Variants in CPEB1 observed in about 807,000 individuals in gnomAD.
CPEB1 encodes the protein cytoplasmic polyadenylation element-binding protein 1.
A neutral mutation model predicts 65.8 loss-of-function variants in CPEB1; 7 were observed. The ratio of observed to expected loss-of-function variants is 0.11; its 90% CI spans 0.06 to 0.20. CPEB1 has a LOEUF of 0.20. Ranked by LOEUF, CPEB1 falls within the 10% of genes least tolerant of loss-of-function variation. The pLI, the probability that CPEB1 is intolerant of heterozygous loss-of-function variation, is 1.00. For missense variants in CPEB1, 551 were observed against 712.2 expected, an observed-to-expected ratio of 0.77 and a Z score of 2.58; for synonymous variants, 262 against 260.0, an observed-to-expected ratio of 1.01 and a Z score of -0.08.
intron 9 of CPEB1, among the ~76,000 whole-genome samples, chr15:82,552,201 A>G (rs994326440): frequency 6.6e-6 from 1 of 152,322 alleles, no homozygotes; most frequent in African/African-American, 2.4e-5. Flanking sequence ...GTTGGCTACA[A>G]GAAAGAAGAG....
intron 2 of CPEB1, 131 bp downstream of exon 2, chr15:82,628,233 T>C: frequency 4.3e-6 from 3 of 702,878 alleles, no homozygotes; most frequent in South Asian, 1.5e-5. Flanking sequence ...CCAGATGTTG[T>C]ACATGACTTC....
chr15:82,587,981 G>A (rs557630382), intron 3 of CPEB1, among the ~76,000 whole-genome samples: 3 of 152,102 alleles, frequency 2.0e-5, no homozygotes, highest in Non-Finnish European at 4.4e-5. Context: ...GAATGCAGTG[G>A]TGTGATCTCA....
chr15:82,641,739 A>C (rs1041832016), intron 1 of CPEB1: 1 of 150,822 alleles, frequency 6.6e-6, no homozygotes, highest in Non-Finnish European at 1.5e-5. Context: ...GGACTGTTCC[A>C]CCATTCAAGA....
intron 3 of CPEB1, among the ~76,000 whole-genome samples, chr15:82,605,360 T>C (rs1227818596): frequency 1.3e-5 from 2 of 152,272 alleles, no homozygotes; most frequent in South Asian, 2.1e-4. Context: ...GTCTTTTTTT[T>C]CTCCTATCAG....
intron 1 of CPEB1, chr15:82,629,448 CTA>C (rs71297508): frequency 3.9e-5 from 38 of 967,840 alleles, no homozygotes; most frequent in African/African-American, 7.1e-5. Flanking sequence ...AAAAGAACTC[CTA>C]TATATATATA....
intron 4 of CPEB1, 116 bp downstream of exon 4, chr15:82,571,228 T>C: frequency 7.6e-7 from 1 of 1,314,450 alleles, no homozygotes; most frequent in African/African-American, 1.5e-5. Context: ...CCATGTTGTA[T>C]GTGTGTATGG....
chr15:82,606,878 A>G (rs1290137818), intron 3 of CPEB1, among the ~76,000 whole-genome samples: 1 of 151,994 alleles, frequency 6.6e-6, no homozygotes, highest in East Asian at 1.9e-4. Flanking sequence ...CATGCCTGCA[A>G]TCCCAGCACT....
intron 3 of CPEB1, among the ~76,000 whole-genome samples, chr15:82,593,054 T>C (rs953761295): frequency 2.0e-5 from 3 of 152,134 alleles, no homozygotes; most frequent in Admixed American, 1.3e-4. Flanking sequence ...CATAATCTTA[T>C]TGCTGGTGGA....
intron 4 of CPEB1, among the ~76,000 whole-genome samples, chr15:82,561,199 A>G (rs1001911185): frequency 6.6e-6 from 1 of 152,210 alleles, no homozygotes; most frequent in African/African-American, 2.4e-5. Flanking sequence ...GAAGTCTGAA[A>G]TATTAGATAA....
intron 1 of CPEB1, among the ~76,000 whole-genome samples, chr15:82,640,477 T>A (rs1032514501): frequency 4.9e-4 from 74 of 152,284 alleles, no homozygotes; most frequent in South Asian, 2.1e-4. Context: ...CAGCCCTGTT[T>A]CATATCTCCT....
chr15:82,620,866 G>A (rs1177475017), intron 3 of CPEB1, among the ~76,000 whole-genome samples: 1 of 152,138 alleles, frequency 6.6e-6, no homozygotes, highest in African/African-American at 2.4e-5. Flanking sequence ...ACTGCAAGGG[G>A]AATTTTGGTG....
At chr15:82,616,472 T>A (rs1208114351) in intron 3 of CPEB1, among the ~76,000 whole-genome samples, 1 of 152,114 alleles carries the variant, frequency 6.6e-6, no homozygotes, top group Admixed American at 6.5e-5. Context: ...GAATCAAACA[T>A]ATCAAAATCT....
chr15:82,577,171 T>C (rs962926842), intron 3 of CPEB1, among the ~76,000 whole-genome samples: 5 of 152,002 alleles, frequency 3.3e-5, no homozygotes, highest in African/African-American at 1.2e-4. Flanking sequence ...TTGGCAAAGG[T>C]GTGTTTTGTT....
intron 3 of CPEB1, among the ~76,000 whole-genome samples, chr15:82,614,034 G>C (rs1407965754): frequency 1.3e-5 from 2 of 152,054 alleles, no homozygotes; most frequent in African/African-American, 2.4e-5. Flanking sequence ...CCGGGAGAGA[G>C]ACACACACCC....
chr15:82,621,527 A>G (rs1289535546), intron 3 of CPEB1, among the ~76,000 whole-genome samples: 1 of 152,026 alleles, frequency 6.6e-6, no homozygotes, highest in Non-Finnish European at 1.5e-5. Context: ...AGGCTGAGGC[A>G]GGAGACTCAC....
intron 3 of CPEB1, among the ~76,000 whole-genome samples, chr15:82,580,519 G>A (rs2151096896): frequency 6.6e-6 from 1 of 152,092 alleles, no homozygotes; most frequent in Non-Finnish European, 1.5e-5. Flanking sequence ...TTTTATTGTG[G>A]TAAAATATAC....
Position 82,571,392 on chromosome 15 carries a change from A to T in CPEB1, c.412T>A (p.Trp138Arg). The T allele has an allele frequency of 6.2e-7, 1 of 1,614,140 alleles. No individual in the cohort carries two copies. The stretch of plus-strand genomic sequence containing the variant: ...GAGGAATCTGAGTCCTGGGTGCTCC[A>T]GGGTCGGTCCCAGCCTGTCAGACTG... ...SLSLTGWDRPWSTQDSDSSAQ... is the reference protein window; with the variant it reads ...SLSLTGWDRPRSTQDSDSSAQ... Residue 138 changes from tryptophan to arginine, a missense_variant, in exon 4 of 13, where the codon TGG becomes AGG. Physicochemically the swap from Trp to Arg is moderately radical, Grantham distance 101. Transcript: ENST00000684509.
chr15:82,580,050 GGTGGCTCACACCT>G (rs1555456509), intron 3 of CPEB1, among the ~76,000 whole-genome samples: 43 of 150,168 alleles, frequency 2.9e-4, no homozygotes, highest in Non-Finnish European at 1.5e-5. Flanking sequence ...GGCCAGGCGC[GGTGGCTCACACCT>G]GTAATCCCAG....
chr15:82,594,534 C>T (rs184109318), intron 3 of CPEB1, among the ~76,000 whole-genome samples: 92 of 152,296 alleles, frequency 6.0e-4, no homozygotes, highest in African/African-American at 2.2e-3. Context: ...ATCTGATCTT[C>T]TATCTCGACT....
Sources: allele counts gnomAD v4.1 joint callset (sites outside exome capture counted in the v4.1 genomes callset), GRCh38; gene constraint gnomAD v4.1.1; transcripts MANE v1.5; gene names NCBI Gene and HGNC (gene_info 2026-07-23, HGNC 2026-07-21).